The following GABRB1 variants were observed in gnomAD, a reference collection of about 807,000 sequenced individuals.
GABRB1 encodes gamma-aminobutyric acid type A receptor subunit beta1, also known as gamma-aminobutyric acid receptor subunit beta-1.
GABRB1 carries 17 observed loss-of-function variants against 51.6 expected under a neutral mutation model. That is an observed-to-expected ratio of 0.33 (90% CI 0.23 to 0.49). The LOEUF (loss-of-function observed/expected upper bound fraction) is 0.49, where lower values mean the gene tolerates loss of function less well. Among genes scored for constraint, GABRB1 ranks in the 20% least tolerant of loss-of-function variants. GABRB1 has a pLI of 0.99. For missense variants in GABRB1, 410 were observed against 600.6 expected (o/e 0.68, Z 3.32); for synonymous variants, 247 against 218.9 (o/e 1.13, Z -1.14).
intron 3 of GABRB1, among the ~76,000 whole-genome samples, chr4:47,077,579 A>G (rs1329220569): frequency 6.6e-6 from 1 of 151,958 alleles, no homozygotes; most frequent in Non-Finnish European, 1.5e-5. Flanking sequence ...ATATCCTGTC[A>G]AAACACTCAC....
intron 4 of GABRB1, among the ~76,000 whole-genome samples, chr4:47,172,554 T>C (rs944518449): frequency 1.3e-5 from 2 of 151,866 alleles, no homozygotes; most frequent in Non-Finnish European, 2.9e-5. Flanking sequence ...CACATGCAGT[T>C]CTACTAAATA....
chr4:47,209,649 CT>C (rs1720275407), intron 4 of GABRB1, among the ~76,000 whole-genome samples: 1 of 152,138 alleles, frequency 6.6e-6, no homozygotes. Flanking sequence ...TACCTTCTCA[CT>C]TCGACCAGAG....
At chr4:47,188,118 T>G (rs1719263241) in intron 4 of GABRB1, among the ~76,000 whole-genome samples, 1 of 151,954 alleles carries the variant, frequency 6.6e-6, no homozygotes, top group Admixed American at 6.6e-5. Context: ...GCTGCTGTAA[T>G]CCCAAAGACT....
chr4:47,268,746 T>C (rs1722740589), intron 4 of GABRB1, among the ~76,000 whole-genome samples: 1 of 152,210 alleles, frequency 6.6e-6, no homozygotes, highest in Non-Finnish European at 1.5e-5. Flanking sequence ...CTGATAGCAT[T>C]AAAATGCTTA....
chr4:47,019,467 T>C (rs1724843668), intron 1 of GABRB1, among the ~76,000 whole-genome samples: 1 of 142,354 alleles, frequency 7.0e-6, no homozygotes, highest in South Asian at 2.3e-4. Flanking sequence ...AAAATACTAA[T>C]TGTGGCTTGA....
intron 3 of GABRB1, among the ~76,000 whole-genome samples, chr4:47,121,235 T>G (rs554561619): frequency 1.3e-5 from 2 of 152,134 alleles, no homozygotes; most frequent in African/African-American, 4.8e-5. Flanking sequence ...TTCTGCCCAG[T>G]GTTGACAGGA....
intron 4 of GABRB1, among the ~76,000 whole-genome samples, chr4:47,311,164 CG>C (rs1334150146): frequency 1.3e-5 from 2 of 150,382 alleles, no homozygotes; most frequent in African/African-American, 4.9e-5. Flanking sequence ...GAGGCCAAGG[CG>C]GGTGGATCAT....
In GABRB1 at chr4:47,397,874, A is replaced by G. The variant is rs147005523; in HGVS notation, c.545-5444A>G. Reference sequence around the variant, plus strand: ...AGGTGTGAGCCACCACACCCAGCCTATTTCTACTATTTTTTCAGAGTTTTC... The same window carrying G: ...AGGTGTGAGCCACCACACCCAGCCTGTTTCTACTATTTTTTCAGAGTTTTC... On this transcript the variant is annotated intron_variant, in intron 5 of 8. Coordinates refer to ENST00000295454, the MANE Select transcript of GABRB1 (RefSeq NM_000812.4). Among the ~76,000 whole-genome samples the G allele has an allele frequency of 5.0e-3, 760 of 152,046 alleles. 7 individuals carry two copies. Among genetic ancestry groups the G allele is most frequent in the African/African-American group, 0.017 (691 of 41,470 alleles).
chr4:47,299,026 G>T (rs1488813888), intron 4 of GABRB1, among the ~76,000 whole-genome samples: 1 of 151,482 alleles, frequency 6.6e-6, no homozygotes, highest in East Asian at 1.9e-4. Context: ...TGGGAAAACT[G>T]GCTAGCCATA....
intron 1 of GABRB1, among the ~76,000 whole-genome samples, chr4:47,023,213 C>T (rs1174049400): frequency 1.3e-5 from 2 of 151,866 alleles, no homozygotes; most frequent in African/African-American, 4.8e-5. Context: ...AGCTGGGATT[C>T]GTTAACGGAT....
At chr4:47,123,701 AT>A (rs1715939644) in intron 3 of GABRB1, among the ~76,000 whole-genome samples, 1 of 25,098 alleles carries the variant, frequency 4.0e-5, no homozygotes, top group Non-Finnish European at 6.5e-5. Context: ...TATATTATAT[AT>A]ATAATATGAT....
chr4:47,092,165 C>CTTTTTT (rs869057256), intron 3 of GABRB1, among the ~76,000 whole-genome samples: 54 of 60,496 alleles, frequency 8.9e-4, no homozygotes, highest in Non-Finnish European at 1.1e-3. Flanking sequence ...TTCTTTCTTT[C>CTTTTTT]TTTTTTTTTT....
intron 3 of GABRB1, among the ~76,000 whole-genome samples, chr4:47,046,621 G>A (rs922030600): frequency 2.0e-4 from 31 of 152,074 alleles, no homozygotes; most frequent in African/African-American, 7.2e-4. Context: ...CAGAGAAAGT[G>A]CAATCAAGCT....
intron 3 of GABRB1, among the ~76,000 whole-genome samples, chr4:47,096,933 A>G (rs539264202): frequency 5.9e-5 from 9 of 152,300 alleles, no homozygotes; most frequent in Admixed American, 4.6e-4. Flanking sequence ...TAACGCACAC[A>G]CAACTGTAAG....
chr4:47,001,634 C>T (rs978776345), intron 1 of GABRB1, among the ~76,000 whole-genome samples: 1 of 152,194 alleles, frequency 6.6e-6, no homozygotes, highest in Non-Finnish European at 1.5e-5. Flanking sequence ...CAGATTTGAT[C>T]TGCAACATTA....
At chr4:47,084,506 TC>T (rs1727986716) in intron 3 of GABRB1, among the ~76,000 whole-genome samples, 1 of 152,218 alleles carries the variant, frequency 6.6e-6, no homozygotes, top group South Asian at 2.1e-4. Context: ...ACTTTGTGTA[TC>T]TAGAAGTCTG....
chr4:47,053,458 T>C (rs1726451713), intron 3 of GABRB1, among the ~76,000 whole-genome samples: 1 of 152,170 alleles, frequency 6.6e-6, no homozygotes, highest in Non-Finnish European at 1.5e-5. Context: ...TGCATATATA[T>C]GACTTTTAAT....
In GABRB1 at chr4:47,298,469, A is replaced by G. The variant is rs1458035271; in HGVS notation, c.462-21658A>G. 1.1e-4 allele frequency among the ~76,000 whole-genome samples: 16 copies of G among 151,780 alleles called. No individual in the cohort carries two copies. In the East Asian group the frequency reaches 1.2e-3, roughly 11 times the overall value. ...ACAGACAAACAGAGAGCCAAATCAT[A>G]AGTGAACTCCCATTCACAATTGCTT... On this transcript the variant is annotated intron_variant, in intron 4 of 8. Transcript: ENST00000295454.
chr4:47,237,187 T>C (rs565997554), intron 4 of GABRB1, among the ~76,000 whole-genome samples: 17 of 152,052 alleles, frequency 1.1e-4, no homozygotes, highest in Non-Finnish European at 2.2e-4. Flanking sequence ...ATATTTGCTA[T>C]GAGTTTAACT....
Sources: gnomAD v4.1 joint callset for allele counts (sites outside exome capture counted in the v4.1 genomes callset) on GRCh38, gnomAD v4.1.1 for gene constraint, MANE v1.5 for transcripts, NCBI Gene and HGNC (gene_info 2026-07-23, HGNC 2026-07-21) for gene names.